Variants in PKHD1 observed in about 807,000 individuals in gnomAD.
The protein encoded by PKHD1 is fibrocystin.
A neutral mutation model predicts 412.0 loss-of-function variants in PKHD1; 291 were observed. The observed-to-expected ratio is 0.71, with a 90% CI of 0.64 to 0.78. The LOEUF (loss-of-function observed/expected upper bound fraction) is 0.78. Among genes scored for constraint, PKHD1 ranks in the 30% least tolerant of loss-of-function variants. PKHD1 has a pLI of 0.00. For synonymous variants in PKHD1, 1,777 were observed against 1,821.5 expected, an observed-to-expected ratio of 0.98 and a Z score of 0.62; for missense variants, 4,825 against 4,950.7, an observed-to-expected ratio of 0.97 and a Z score of 0.76.
intron 64 of PKHD1, among the ~76,000 whole-genome samples, chr6:51,637,632 G>A (rs1449106326): frequency 2.6e-5 from 4 of 151,748 alleles, no homozygotes; most frequent in South Asian, 2.1e-4. Flanking sequence ...CAGGCTGGGC[G>A]TGGTGACTGA....
intron 52 of PKHD1, among the ~76,000 whole-genome samples, chr6:51,814,796 G>A (rs879334299): frequency 2.6e-5 from 4 of 152,206 alleles, no homozygotes; most frequent in Non-Finnish European, 5.9e-5. Flanking sequence ...GACAGGAAAT[G>A]AGAGGTGCCT....
intron 48 of PKHD1, among the ~76,000 whole-genome samples, chr6:51,865,007 A>T (rs1774822518): frequency 1.3e-5 from 2 of 152,066 alleles, no homozygotes; most frequent in African/African-American, 4.8e-5. Context: ...TAATTATGGG[A>T]CCCTGGAGAA....
intron 11 of PKHD1, among the ~76,000 whole-genome samples, chr6:52,067,486 C>T (rs1040809256): frequency 1.3e-5 from 2 of 152,008 alleles, no homozygotes; most frequent in Non-Finnish European, 2.9e-5. Context: ...TTCCTGTCCT[C>T]GAGAAGATCA....
At chr6:52,056,272 G>T (rs1807710075) in intron 18 of PKHD1, among the ~76,000 whole-genome samples, 1 of 152,194 alleles carries the variant, frequency 6.6e-6, no homozygotes, top group African/African-American at 2.4e-5. Context: ...CTAGAATTTA[G>T]TTCGCCTTAG....
intron 55 of PKHD1, among the ~76,000 whole-genome samples, chr6:51,769,801 T>C (rs2151116975): frequency 6.6e-6 from 1 of 151,682 alleles, no homozygotes; most frequent in East Asian, 1.9e-4. Context: ...TTTAATGTGA[T>C]GACATGTTCT....
chr6:51,663,971 A>T (rs902117587), intron 60 of PKHD1, among the ~76,000 whole-genome samples: 1 of 152,214 alleles, frequency 6.6e-6, no homozygotes, highest in African/African-American at 2.4e-5. Flanking sequence ...TTCATTAAAT[A>T]AATACACATG....
At chr6:51,772,639 T>G in intron 55 of PKHD1, 63 bp downstream of exon 55, 1 of 786,408 alleles carries the variant, frequency 1.3e-6, no homozygotes, top group Admixed American at 2.1e-5. Context: ...TGTAACAAAA[T>G]CTCAAGCAGA....
In PKHD1 at chr6:51,998,269, C is replaced by T. The variant is rs116754828; in HGVS notation, c.5751+12040G>A. 6.3e-3 allele frequency among the ~76,000 whole-genome samples: 951 copies of T among 151,736 alleles called. 16 individuals carry two copies. Among genetic ancestry groups the T allele is most frequent in the African/African-American group, 0.021 (882 of 41,398 alleles). On this transcript the variant is annotated intron_variant, in intron 35 of 66. Transcript: ENST00000371117. ...AGATTTGAGCTCCAGAAATTCAGTG[C>T]TTCTACCCACATTCTATACAAGTCC... is the stretch of plus-strand genomic sequence containing the variant.
At chr6:51,815,667 G>A (rs773255401) in intron 52 of PKHD1, among the ~76,000 whole-genome samples, 45 of 151,568 alleles carry the variant, frequency 3.0e-4, no homozygotes, top group East Asian at 2.0e-4. Flanking sequence ...AAACAAATAC[G>A]TTTGAAATCG....
intron 35 of PKHD1, among the ~76,000 whole-genome samples, chr6:52,008,184 C>A (rs1051701482): frequency 2.6e-5 from 4 of 152,284 alleles, no homozygotes; most frequent in South Asian, 2.1e-4. Flanking sequence ...TTACTTCCCC[C>A]ACAATGACTA....
chr6:52,077,034 C>T (rs1443333433), intron 5 of PKHD1, among the ~76,000 whole-genome samples: 1 of 152,186 alleles, frequency 6.6e-6, no homozygotes, highest in Admixed American at 6.5e-5. Flanking sequence ...ACAATGCCCC[C>T]TGTCCCCAAA....
intron 51 of PKHD1, among the ~76,000 whole-genome samples, chr6:51,831,338 A>T (rs1768210276): frequency 1.3e-5 from 2 of 152,184 alleles, no homozygotes; most frequent in Non-Finnish European, 2.9e-5. Flanking sequence ...GTTTCCTTCC[A>T]GAATTTCTCA....
intron 60 of PKHD1, among the ~76,000 whole-genome samples, chr6:51,720,505 G>A (rs1223255999): frequency 1.3e-5 from 2 of 152,120 alleles, no homozygotes; most frequent in East Asian, 3.8e-4. Context: ...GTGAGTGGAA[G>A]TGGAAAGCGT....
chr6:52,059,079 TTTC>T, intron 15 of PKHD1, among the ~76,000 whole-genome samples: 1 of 152,084 alleles, frequency 6.6e-6, no homozygotes, highest in East Asian at 1.9e-4. Flanking sequence ...AAAGGCATCT[TTTC>T]TTATCCTTCA....
chr6:51,990,192 T>C (rs1796875209), intron 35 of PKHD1, among the ~76,000 whole-genome samples: 1 of 151,804 alleles, frequency 6.6e-6, no homozygotes, highest in African/African-American at 2.4e-5. Flanking sequence ...ACACACTCTA[T>C]CAAAGATTTT....
At chr6:51,768,645 T>A (rs752340566) in intron 55 of PKHD1, among the ~76,000 whole-genome samples, 75 of 152,032 alleles carry the variant, frequency 4.9e-4, no homozygotes, top group Non-Finnish European at 9.3e-4. Flanking sequence ...ATAGTTTGGA[T>A]TATTTTCAAT....
At chr6:52,060,327 C>G (rs969700055) in intron 14 of PKHD1, among the ~76,000 whole-genome samples, 2 of 152,182 alleles carry the variant, frequency 1.3e-5, no homozygotes, top group African/African-American at 4.8e-5. Context: ...GCTGACAAAA[C>G]CACCTAACAC....
chr6:52,039,160 AAATCAC>A (rs1804419310), intron 27 of PKHD1, among the ~76,000 whole-genome samples: 1 of 152,376 alleles, frequency 6.6e-6, no homozygotes, highest in South Asian at 2.1e-4. Flanking sequence ...AGGAAAATCA[AAATCAC>A]AATGAGGTAT....
chr6:51,789,987 AT>A (rs544258695), intron 53 of PKHD1, among the ~76,000 whole-genome samples: 1 of 152,226 alleles, frequency 6.6e-6, no homozygotes, highest in South Asian at 2.1e-4. Context: ...AAAGGTTTTG[AT>A]TTTTTTGTCA....
Sources: allele counts gnomAD v4.1 joint callset (sites outside exome capture counted in the v4.1 genomes callset), GRCh38; gene constraint gnomAD v4.1.1; transcripts MANE v1.5; gene names NCBI Gene and HGNC (gene_info 2026-07-23, HGNC 2026-07-21).